The following DENND1C variants were observed in gnomAD, a reference collection of about 807,000 sequenced individuals.
DENND1C encodes the protein DENN domain containing 1C.
Under a neutral mutation model 87.9 loss-of-function variants are expected in DENND1C, and 64 were observed. The ratio of observed to expected loss-of-function variants is 0.73; its 90% CI spans 0.60 to 0.90. The LOEUF (loss-of-function observed/expected upper bound fraction) is 0.90, where lower values mean the gene tolerates loss of function less well. Ranked by LOEUF, DENND1C falls within the 40% of genes least tolerant of loss-of-function variation. The probability of loss-of-function intolerance (pLI) is 0.00; values close to 1 mark genes in which losing one functional copy is unlikely to be tolerated. For synonymous variants in DENND1C, 384 were observed against 424.4 expected (o/e 0.90, Z 1.17); for missense variants, 980 against 1,037.0 (o/e 0.95, Z 0.76).
At position 6,479,072 on chromosome 19, in the gene DENND1C, C is replaced by A; in HGVS notation, c.177-16G>T. 6.2e-7 allele frequency: 1 copy of A among 1,613,498 alleles called. No individual in the cohort carries two copies. On this transcript the variant is annotated splice_polypyrimidine_tract_variant and intron_variant, in intron 4 of 22. Coordinates refer to ENST00000381480, the MANE Select transcript of DENND1C (RefSeq NM_024898.4). The stretch of plus-strand genomic sequence containing the variant: ...GGGGGGCTCCCTGGAGTGGGAAGGG[C>A]TGTTAGAGAGACCTGGACATCCCAG...
rs546786930 is a variant in DENND1C, at chr19:6,469,084, T to A, written c.1408-131A>T. On this transcript the variant is annotated intron_variant, in intron 19 of 22. Coordinates refer to ENST00000381480, the MANE Select transcript of DENND1C (RefSeq NM_024898.4). ...TTCACTCATGTTGCCCAGGCTGGAGTGCAGTGGTGCCATCTCGGCTCACTG... is the reference window on the plus strand; with the variant it reads ...TTCACTCATGTTGCCCAGGCTGGAGAGCAGTGGTGCCATCTCGGCTCACTG... The A allele has an allele frequency of 1.9e-5, 10 of 521,246 alleles. No individual in the cohort carries two copies. In the South Asian group the frequency reaches 4.9e-4, roughly 25 times the overall value. The allele number at this position is 521,246 out of a possible 1,614,324, so 32.3% of individuals were successfully genotyped here.
chr19:6,467,835 T>G lies in DENND1C; in HGVS notation c.2075A>C (p.Asp692Ala). The G allele has an allele frequency of 6.4e-7, 1 of 1,573,314 alleles. No homozygotes were observed. Among genetic ancestry groups the G allele is most frequent in the East Asian group, 2.2e-5 (1 of 44,564 alleles). ...AGTGGGGTTTTCCTGGGCTGTAGAA[T>G]CTTCAGCTGCCTTGTGGGAAGGGGT... ...HLTPSHKAAE[D>A]STAQENPTPW... Residue 692 changes from aspartate (D) to alanine (A), a missense_variant, in exon 23 of 23, where the codon GAT becomes GCT. Physicochemically the swap from Asp to Ala is moderately radical, Grantham distance 126 (BLOSUM62 -2). Transcript: ENST00000381480.
chr19:6,476,024 T>A, intron 10 of DENND1C, 87 bp from the exon 11 acceptor site: 1 of 1,211,720 alleles, frequency 8.3e-7, no homozygotes, highest in Non-Finnish European at 1.1e-6. Context: ...GTCCCCAGTC[T>A]CCTGTTCCCC....
In DENND1C at chr19:6,471,464, C is replaced by A; in HGVS notation, c.1191G>T (p.Lys397Asn). 2 of 1,577,164 alleles carry A rather than the reference C, an allele frequency of 1.3e-6. No homozygotes were observed. Among genetic ancestry groups the A allele is most frequent in the Non-Finnish European group, 1.7e-6 (2 of 1,161,212 alleles). ...FIEARLEKLN[K>N]GEGFSDQFEQ... is the part of the protein sequence containing the mutation. ...CGAATTGATCTGAGAAGCCCTCCCC[C>A]TTGTTGAGCTTCTCCAGCCGGGCTT... The change falls in exon 16 of 23, where the codon AAG (lysine) becomes AAT (asparagine). Residue 397 changes from lysine to asparagine, a missense_variant. Physicochemically the swap from Lys to Asn is moderately conservative, Grantham distance 94 (BLOSUM62 0). Transcript: ENST00000381480.
rs781751126 is a variant in DENND1C at position 6,468,061 on chromosome 19, G to C, written c.1849C>G (p.Pro617Ala). ...DKKLPEPEPQPLSLPSLQNAS... is the reference protein window; with the variant it reads ...DKKLPEPEPQALSLPSLQNAS... Reference sequence around the variant, plus strand: ...TTTTGCAGGGATGGCAGGGAAAGGGGCTGGGGCTCCGGCTCTGGTAGTTTC... The same window carrying C: ...TTTTGCAGGGATGGCAGGGAAAGGGCCTGGGGCTCCGGCTCTGGTAGTTTC... Residue 617 changes from proline (P) to alanine (A), a missense_variant, in exon 23 of 23, where the codon CCC becomes GCC. Coordinates refer to ENST00000381480, the MANE Select transcript of DENND1C (RefSeq NM_024898.4). 1 of 1,613,924 alleles carries C rather than the reference G, an allele frequency of 6.2e-7. No homozygotes were observed. Among genetic ancestry groups the C allele is most frequent in the South Asian group, 1.1e-5 (1 of 91,058 alleles).
chr19:6,479,024 G>A lies in DENND1C; in HGVS notation c.209C>T (p.Thr70Ile). The change falls in exon 5 of 23, where the codon ACC becomes ATC. Residue 70 changes from threonine to isoleucine, a missense_variant. By Grantham distance (89) the Thr-to-Ile change is moderately conservative. Transcript: ENST00000381480. ...EPPSPAVQHFTFALTDLAGNR... is the reference protein window; with the variant it reads ...EPPSPAVQHFIFALTDLAGNR... ...GCCGGCAAGGTCTGTGAGGGCGAAG[G>A]TGAAATGCTGCACGGCGGGGCTGGG... 1 of 1,613,986 alleles carries A rather than the reference G, an allele frequency of 6.2e-7. No individual in the cohort carries two copies. Among genetic ancestry groups the A allele is most frequent in the Non-Finnish European group, 8.5e-7 (1 of 1,179,874 alleles).
At position 6,468,826 on chromosome 19, in the gene DENND1C, G is replaced by A. The variant is rs746745810; in HGVS notation, c.1515+20C>T. 6.7e-7 allele frequency: 1 copy of A among 1,498,954 alleles called. No individual in the cohort carries two copies. Among genetic ancestry groups the A allele is most frequent in the South Asian group, 1.4e-5 (1 of 72,112 alleles). The allele number at this position is 1,498,954 out of a possible 1,614,324, so 92.9% of individuals were successfully genotyped here. ...CAGTGATAATTCCAGGTGTGTGCAT[G>A]GGGGGAGGGGCGCTCTCACCTTTCC... On this transcript the variant is annotated intron_variant, in intron 20 of 22. Coordinates refer to ENST00000381480, the MANE Select transcript of DENND1C (RefSeq NM_024898.4).
rs776469771 is a variant in DENND1C at position 6,471,311 on chromosome 19, G to A, written c.1250-6C>T. On this transcript the variant is annotated splice_region_variant and splice_polypyrimidine_tract_variant and intron_variant, in intron 16 of 22. Coordinates refer to ENST00000381480, the MANE Select transcript of DENND1C (RefSeq NM_024898.4). ...CTGATAGGATCGAAGGGCCCCTGGG[G>A]TAAGGAGAGAGTGTGGTGGTCACCG... 5.6e-6 allele frequency: 9 copies of A among 1,597,864 alleles called. No homozygotes were observed. In the South Asian group the frequency reaches 6.8e-5, roughly 12 times the overall value.
intron 1 of DENND1C, chr19:6,480,535 C>T: frequency 1.1e-6 from 1 of 881,320 alleles, no homozygotes; most frequent in Non-Finnish European, 1.4e-6. Flanking sequence ...TCCACCCACC[C>T]ACCCACCTAT....
At position 6,468,072 on chromosome 19, in the gene DENND1C, G is replaced by A. The variant is rs749544483; in HGVS notation, c.1838C>T (p.Pro613Leu). 5.6e-6 allele frequency: 9 copies of A among 1,613,788 alleles called. No homozygotes were observed. The highest frequency in any genetic ancestry group is 1.1e-5 in the South Asian group (1 of 91,060). The change falls in exon 23 of 23, where the codon CCG becomes CTG. Residue 613 changes from proline to leucine, a missense_variant. Pro to Leu is a moderately conservative substitution (Grantham distance 98, BLOSUM62 -3). Coordinates refer to ENST00000381480, the MANE Select transcript of DENND1C (RefSeq NM_024898.4). ...WQPDDKKLPEPEPQPLSLPSL... is the reference protein window; with the variant it reads ...WQPDDKKLPELEPQPLSLPSL... ...TGGCAGGGAAAGGGGCTGGGGCTCC[G>A]GCTCTGGTAGTTTCTTATCGTCTGG...
At chr19:6,472,697 C>T (rs533376541) in intron 15 of DENND1C, among the ~76,000 whole-genome samples, 192 bp downstream of exon 15, 18 of 152,076 alleles carry the variant, frequency 1.2e-4, no homozygotes, top group Admixed American at 5.2e-4. Context: ...CCGGGGGCTC[C>T]CATCTTTAGG....
Position 6,467,716 on chromosome 19 carries a change from A to G in DENND1C, c.2194T>C (p.Ser732Pro). The change falls in exon 23 of 23, where the codon TCC becomes CCC. Residue 732 changes from serine to proline, a missense_variant. Transcript: ENST00000381480. ...TKPNFDIAWT[S>P]QPLDPSSDPS... ...TCTGAGGAAGGATCAAGGGGCTGGGACGTCCAGGCTATATCAAAGTTGGGC... is the reference window on the plus strand; with the variant it reads ...TCTGAGGAAGGATCAAGGGGCTGGGGCGTCCAGGCTATATCAAAGTTGGGC... 1 of 1,520,592 alleles carries G rather than the reference A, an allele frequency of 6.6e-7. No homozygotes were observed. Among genetic ancestry groups the G allele is most frequent in the Non-Finnish European group, 8.8e-7 (1 of 1,137,308 alleles). 94.2% of individuals were successfully genotyped at this position (1,520,592 alleles called of 1,614,324 possible). A position where few individuals can be genotyped will look rare whatever the true frequency, so the allele number is the denominator to read the frequency against.
chr19:6,467,327 C>A lies in DENND1C; in HGVS notation c.*177G>T. 1 of 801,196 alleles carries A rather than the reference C, an allele frequency of 1.2e-6. No individual in the cohort carries two copies. The allele number at this position is 801,196 out of a possible 1,614,324, so 49.6% of individuals were successfully genotyped here. ...AGGATTCTAGAAGACCAGGAGGCTT[C>A]CTGGAATTCCCTGCTAGGAGCCAGT... On this transcript the variant is annotated 3_prime_UTR_variant, in exon 23 of 23. Transcript: ENST00000381480.
intron 18 of DENND1C, 186 bp downstream of exon 18, chr19:6,470,109 T>C: frequency 1.6e-6 from 1 of 608,514 alleles, no homozygotes; most frequent in Non-Finnish European, 2.8e-6. Flanking sequence ...AAAATGAGTA[T>C]AATAAATAAA....
At chr19:6,470,066 C>A in intron 18 of DENND1C, 2 of 310,890 alleles carry the variant, frequency 6.4e-6, no homozygotes, top group South Asian at 4.0e-5. Context: ...GGGCCGTGGG[C>A]GGGGCGGAGG....
intron 14 of DENND1C, 134 bp from the exon 15 acceptor site, chr19:6,473,127 A>G (rs1277271105): frequency 3.4e-6 from 2 of 584,032 alleles, no homozygotes; most frequent in Non-Finnish European, 5.5e-6. Flanking sequence ...CATGGATGGC[A>G]GGGAGGACTT....
At chr19:6,476,723 C>A (rs1474616151) in intron 10 of DENND1C, 134 bp downstream of exon 10, 1 of 905,206 alleles carries the variant, frequency 1.1e-6, no homozygotes, top group Non-Finnish European at 1.6e-6. Context: ...CCAAGACCTT[C>A]GAAGGGGCGG....
chr19:6,472,473 G>A (rs1319043499), intron 15 of DENND1C, among the ~76,000 whole-genome samples: 2 of 151,952 alleles, frequency 1.3e-5, no homozygotes, highest in Non-Finnish European at 2.9e-5. Flanking sequence ...TCACTGCAAC[G>A]TCTGCCTCCC....
rs1450547911 is a variant in DENND1C, at chr19:6,467,877, G to A, written c.2033C>T (p.Pro678Leu). The A allele has an allele frequency of 6.2e-7, 1 of 1,609,746 alleles. No homozygotes were observed. Among genetic ancestry groups the A allele is most frequent in the South Asian group, 1.1e-5 (1 of 90,580 alleles). Reference protein sequence around the residue: ...GDPKPSPLTEPLILHLTPSHK... With the variant: ...GDPKPSPLTELLILHLTPSHK... Reference sequence around the variant, plus strand: ...GGAAGGGGTGAGATGAAGAATTAGGGGCTCTGTGAGAGGAGAGGGTTTGGG... The same window carrying A: ...GGAAGGGGTGAGATGAAGAATTAGGAGCTCTGTGAGAGGAGAGGGTTTGGG... The change falls in exon 23 of 23, where the codon CCC (proline) becomes CTC (leucine). Residue 678 changes from proline to leucine, a missense_variant. Transcript: ENST00000381480.
Sources: allele counts gnomAD v4.1 joint callset (sites outside exome capture counted in the v4.1 genomes callset), GRCh38; gene constraint gnomAD v4.1.1; transcripts MANE v1.5; gene names NCBI Gene and HGNC (gene_info 2026-07-23, HGNC 2026-07-21).